Variants in RGL1 observed in about 807,000 individuals in gnomAD.
RGL1 encodes the protein ral guanine nucleotide dissociation stimulator-like 1.
RGL1 carries 24 observed loss-of-function variants against 95.2 expected under a neutral mutation model. That is an observed-to-expected ratio of 0.25 (90% CI 0.18 to 0.35). The LOEUF (loss-of-function observed/expected upper bound fraction) is 0.35, where lower values mean the gene tolerates loss of function less well. RGL1 is among the 10% of genes least tolerant of loss of function. The pLI is 1.00. For missense variants in RGL1, 715 were observed against 936.3 expected (o/e 0.76, Z 3.08); for synonymous variants, 329 against 344.9 (o/e 0.95, Z 0.51).
At chr1:183,832,107 G>A (rs550861690) in intron 2 of RGL1, among the ~76,000 whole-genome samples, 3 of 152,184 alleles carry the variant, frequency 2.0e-5, no homozygotes, top group Non-Finnish European at 4.4e-5. Context: ...CTAGAGGCAA[G>A]TGAGACTAGT....
At chr1:183,901,640 T>C (rs1381827163) in intron 11 of RGL1, among the ~76,000 whole-genome samples, 1 of 152,146 alleles carries the variant, frequency 6.6e-6, no homozygotes, top group Non-Finnish European at 1.5e-5. Context: ...CTGTGGGGTA[T>C]TTTTCTCTCT....
intron 2 of RGL1, among the ~76,000 whole-genome samples, chr1:183,787,417 C>G (rs1462453797): frequency 6.6e-6 from 1 of 152,152 alleles, no homozygotes; most frequent in Non-Finnish European, 1.5e-5. Flanking sequence ...AGAGAGATCC[C>G]AATATCGTCT....
chr1:183,702,192 A>G (rs955953808), intron 1 of RGL1, among the ~76,000 whole-genome samples: 2 of 152,186 alleles, frequency 1.3e-5, no homozygotes, highest in Non-Finnish European at 2.9e-5. Flanking sequence ...TCTATATGCT[A>G]TATGAGAAAC....
rs1667245325 is a variant in RGL1, at chr1:183,888,512, C to T, written c.990C>T (p.Ala330=). 6.2e-7 allele frequency: 1 copy of T among 1,613,164 alleles called. No individual in the cohort carries two copies. Among genetic ancestry groups the T allele is most frequent in the Non-Finnish European group, 8.5e-7 (1 of 1,179,338 alleles). The change falls in exon 8 of 18, where the codon GCC becomes GCT. Residue 330 remains alanine, a synonymous_variant. Transcript: ENST00000360851. ...RLLKNFSSLR[A]IVSALQSNSI... The stretch of plus-strand genomic sequence containing the variant: ...TGAAGAATTTTTCCTCCTTGAGGGC[C>T]ATCGTTTCGGCACTGCAGTCTAATT...
intron 1 of RGL1, among the ~76,000 whole-genome samples, chr1:183,707,006 G>A (rs1335207559): frequency 6.6e-6 from 1 of 152,150 alleles, no homozygotes; most frequent in African/African-American, 2.4e-5. Flanking sequence ...CTGGGTTTTT[G>A]TCGGGACCTT....
chr1:183,798,253 T>C (rs1459482280), intron 2 of RGL1, among the ~76,000 whole-genome samples: 4 of 152,208 alleles, frequency 2.6e-5, no homozygotes, highest in Non-Finnish European at 5.9e-5. Flanking sequence ...GACATTATAG[T>C]GCAGCATTCA....
At chr1:183,840,117 A>G (rs184873164) in intron 2 of RGL1, among the ~76,000 whole-genome samples, 1 of 152,114 alleles carries the variant, frequency 6.6e-6, no homozygotes, top group Admixed American at 6.5e-5. Flanking sequence ...CTTCCTGGCC[A>G]CTCTTTGTAG....
At chr1:183,694,583 G>T (rs1412463473) in intron 1 of RGL1, among the ~76,000 whole-genome samples, 1 of 152,162 alleles carries the variant, frequency 6.6e-6, no homozygotes, top group African/African-American at 2.4e-5. Flanking sequence ...AAAATATACT[G>T]CAGTATGTTG....
chr1:183,828,465 T>C (rs1400093957), intron 2 of RGL1, among the ~76,000 whole-genome samples: 2 of 152,168 alleles, frequency 1.3e-5, no homozygotes, highest in East Asian at 3.8e-4. Flanking sequence ...TGGGGATGTC[T>C]TCAGTGAGCA....
At chr1:183,681,083 A>G (rs956637054) in intron 1 of RGL1, among the ~76,000 whole-genome samples, 1 of 152,212 alleles carries the variant, frequency 6.6e-6, no homozygotes, top group Non-Finnish European at 1.5e-5. Flanking sequence ...GGCTGAGACT[A>G]TGGGGTTTTC....
chr1:183,678,068 G>A (rs1355918594), intron 1 of RGL1, among the ~76,000 whole-genome samples: 1 of 152,136 alleles, frequency 6.6e-6, no homozygotes, highest in African/African-American at 2.4e-5. Context: ...AACTATTAAA[G>A]CAGATGTGGA....
intron 1 of RGL1, among the ~76,000 whole-genome samples, chr1:183,677,647 T>C (rs567920357): frequency 6.6e-6 from 1 of 152,334 alleles, no homozygotes; most frequent in East Asian, 1.9e-4. Flanking sequence ...TATAAAGCCC[T>C]GTGGAAGTGT....
intron 1 of RGL1, among the ~76,000 whole-genome samples, chr1:183,718,721 C>A (rs1318928105): frequency 6.6e-6 from 1 of 151,924 alleles, no homozygotes; most frequent in African/African-American, 2.4e-5. Flanking sequence ...TCGAGACCAG[C>A]CTGACCAACA....
At chr1:183,643,455 C>A (rs1466940520) in intron 1 of RGL1, among the ~76,000 whole-genome samples, 2 of 151,960 alleles carry the variant, frequency 1.3e-5, no homozygotes, top group Non-Finnish European at 2.9e-5. Context: ...CCATGCCTGG[C>A]TAACTTTTTG....
chr1:183,779,187 C>CCTTCCTTCCTTG (rs1659760317), intron 2 of RGL1, among the ~76,000 whole-genome samples: 1 of 144,046 alleles, frequency 6.9e-6, no homozygotes, highest in Non-Finnish European at 1.5e-5. Context: ...TTCCTTCCTT[C>CCTTCCTTCCTTG]CTTCCTTCCT....
chr1:183,690,628 G>A (rs1325610728), intron 1 of RGL1, among the ~76,000 whole-genome samples: 1 of 151,978 alleles, frequency 6.6e-6, no homozygotes, highest in African/African-American at 2.4e-5. Flanking sequence ...TGAACTAAAA[G>A]TGAATGAAAA....
rs115795700 is a variant in RGL1, at chr1:183,707,654, C to T, written c.-32-34472C>T. Among the ~76,000 whole-genome samples, 1,226 of 151,706 alleles carry T rather than the reference C, an allele frequency of 8.1e-3. 19 individuals carry two copies. The highest frequency in any genetic ancestry group is 0.027 in the African/African-American group (1,133 of 41,426). On this transcript the variant is annotated intron_variant, in intron 1 of 18. Coordinates refer to the RGL1 transcript ENST00000304685. Reference sequence around the variant, plus strand: ...TGAATTTGCAAGCCTCAGGAGAGGGCGCTGGGGGAGGACAATGGGTACAGG... The same window carrying T: ...TGAATTTGCAAGCCTCAGGAGAGGGTGCTGGGGGAGGACAATGGGTACAGG...
chr1:183,741,789 T>C (rs1657322567), intron 1 of RGL1, among the ~76,000 whole-genome samples: 1 of 152,176 alleles, frequency 6.6e-6, no homozygotes, highest in South Asian at 2.1e-4. Context: ...AAAACATCAC[T>C]CAGGTTTGCC....
intron 17 of RGL1, among the ~76,000 whole-genome samples, chr1:183,924,187 A>G (rs1249784441): frequency 6.6e-6 from 1 of 152,214 alleles, no homozygotes; most frequent in Non-Finnish European, 1.5e-5. Context: ...TTGCAGCACT[A>G]TTCACAATAG....
Sources: allele counts gnomAD v4.1 joint callset (sites outside exome capture counted in the v4.1 genomes callset), GRCh38; gene constraint gnomAD v4.1.1; transcripts MANE v1.5; gene names NCBI Gene and HGNC (gene_info 2026-07-23, HGNC 2026-07-21).